UBR4: variants seen among roughly 807,000 people sequenced by gnomAD.
UBR4 encodes the protein E3 ubiquitin-protein ligase UBR4.
In UBR4, 124 loss-of-function variants were observed where a neutral mutation model predicts 575.6. That is an observed-to-expected ratio of 0.22 (90% confidence interval 0.19 to 0.25). UBR4 has a LOEUF of 0.25. Among genes scored for constraint, UBR4 ranks in the 10% least tolerant of loss-of-function variants. The pLI, the probability that UBR4 is intolerant of heterozygous loss-of-function variation, is 1.00. For missense variants in UBR4, 4,818 were observed against 6,478.8 expected (o/e 0.74, Z 8.80); for synonymous variants, 2,455 against 2,473.7 (o/e 0.99, Z 0.22).
chr1:19,081,899 G>C (rs1299159242), intron 102 of UBR4: 2 of 618,798 alleles, frequency 3.2e-6, no homozygotes, highest in Non-Finnish European at 5.9e-6. Context: ...CCCCAACATG[G>C]AACTGTGCTA....
chr1:19,155,025 G>A lies in UBR4; in HGVS notation c.6351C>T (p.His2117=), dbSNP rs184485512. ...AGCTGAAGAACAACATCTGCAACAC[G>A]TGGGAGTAGTACACGGACACACCAC... The part of the protein sequence containing the change: ...AGGGVSVYYS[H]VLQMLFFSYC... Residue 2117 remains histidine, a synonymous_variant, in exon 44 of 106, where the codon CAC becomes CAT. Coordinates refer to ENST00000375254, the MANE Select transcript of UBR4 (RefSeq NM_020765.3). The A allele has an allele frequency of 7.8e-5, 126 of 1,614,174 alleles. No homozygotes were observed. The Admixed American group carries it at 1.1e-3, about 14-fold the overall frequency.
chr1:19,103,765 G>C (rs958596417), intron 87 of UBR4, among the ~76,000 whole-genome samples: 9 of 152,226 alleles, frequency 5.9e-5, no homozygotes, highest in Non-Finnish European at 1.3e-4. Flanking sequence ...ACAAGGAAAA[G>C]AAAGAGAATA....
chr1:19,122,791 C>A, intron 66 of UBR4, 42 bp downstream of exon 66: 1 of 1,611,188 alleles, frequency 6.2e-7, no homozygotes, highest in Non-Finnish European at 8.5e-7. Context: ...TAAGCCTTAT[C>A]ACATCCCCCC....
At chr1:19,126,789 G>C in intron 63 of UBR4, 134 bp from the exon 64 acceptor site, 1 of 915,122 alleles carries the variant, frequency 1.1e-6, no homozygotes, top group South Asian at 1.7e-5. Context: ...TCAGGCTCTT[G>C]CACTGAAACT....
In UBR4 at chr1:19,154,989, G is replaced by C. The variant is rs1194684758; in HGVS notation, c.6387C>G (p.Gly2129=). 6 of 1,614,174 alleles carry C rather than the reference G, an allele frequency of 3.7e-6. No homozygotes were observed. In the East Asian group the frequency reaches 1.1e-4, roughly 30 times the overall value. The stretch of plus-strand genomic sequence containing the variant: ...TGCTGATGGTGGCTGCGAATGATTT[G>C]CCTTGACAATAGCTGAAGAACAACA... ...LQMLFFSYCQ[G]KSFAATISRT... Residue 2129 remains glycine, a synonymous_variant, in exon 44 of 106, where the codon GGC becomes GGG. Transcript: ENST00000375254.
intron 60 of UBR4, among the ~76,000 whole-genome samples, chr1:19,132,544 A>C: frequency 6.7e-6 from 1 of 149,960 alleles, no homozygotes. Context: ...TTTGTATCTC[A>C]TGAGCCAGAA....
In UBR4 at chr1:19,155,635, T is replaced by C. The variant is rs772944517; in HGVS notation, c.6106A>G (p.Thr2036Ala). Residue 2036 changes from threonine (T) to alanine (A), a missense_variant, in exon 43 of 106, where the codon ACC (threonine) becomes GCC (alanine). Around this residue, in one of 29 missense-constraint regions of UBR4, gnomAD observed 461 missense variants for 606.9 expected, o/e 0.76. Coordinates refer to ENST00000375254, the MANE Select transcript of UBR4 (RefSeq NM_020765.3). ...GAGCTTGGCAGGAGAAAATAGAAGG[T>C]TGGACTCAAGGCATCAACACACAGG... ...YDLCVDALSP[T>A]FYFLLPSSKI... 18 of 1,614,016 alleles carry C rather than the reference T, an allele frequency of 1.1e-5. No homozygotes were observed. Among genetic ancestry groups the C allele is most frequent in the East Asian group, 2.2e-5 (1 of 44,888 alleles).
rs192423135 is a variant in UBR4, at chr1:19,184,484, C to T, written c.1939-309G>A. ...TTTTGTTCTCCTAAGGTCCTTTGTC[C>T]GGCTCCAATTCACTACTGATATATT... On this transcript the variant is annotated intron_variant, in intron 15 of 105. Transcript: ENST00000375254. Among the ~76,000 whole-genome samples the T allele has an allele frequency of 2.0e-4, 31 of 152,166 alleles. 1 individual carries two copies. Among genetic ancestry groups the T allele is most frequent in the Admixed American group, 7.9e-4 (12 of 15,282 alleles).
chr1:19,187,631 C>G, intron 11 of UBR4, 91 bp from the exon 12 acceptor site: 2 of 1,274,930 alleles, frequency 1.6e-6, no homozygotes, highest in Non-Finnish European at 2.2e-6. Context: ...TTTGGGGTTT[C>G]AGACCCCTTT....
In UBR4 at chr1:19,112,680, T is replaced by C. The variant is rs778995850; in HGVS notation, c.11645A>G (p.His3882Arg). The change falls in exon 78 of 106, where the codon CAT becomes CGT. Residue 3882 changes from histidine (H) to arginine (R), a missense_variant. His to Arg is a conservative substitution (Grantham distance 29). Transcript: ENST00000375254. ...CAGGGCCCGAAGTAGTGTGATACAA[T>C]GTTCTGTGACAGCCGAGGCGCAGCC... ...CYGCASAVTE[H>R]CITLLRALAT... is the part of the protein sequence containing the mutation. 2 of 1,614,224 alleles carry C rather than the reference T, an allele frequency of 1.2e-6. No individual in the cohort carries two copies. Among genetic ancestry groups the C allele is most frequent in the East Asian group, 4.5e-5 (2 of 44,882 alleles).
chr1:19,180,688 T>C (rs1327813334), intron 17 of UBR4, among the ~76,000 whole-genome samples: 1 of 152,168 alleles, frequency 6.6e-6, no homozygotes, highest in Non-Finnish European at 1.5e-5. Context: ...ATATATTCCT[T>C]ATAATGCTAT....
intron 8 of UBR4, among the ~76,000 whole-genome samples, 155 bp downstream of exon 8, chr1:19,196,986 A>G (rs1406783115): frequency 1.3e-5 from 2 of 152,234 alleles, no homozygotes; most frequent in African/African-American, 4.8e-5. Context: ...AAAGATTCCT[A>G]TTGAGACCTC....
intron 77 of UBR4, chr1:19,113,493 C>T: frequency 1.4e-6 from 1 of 714,622 alleles, no homozygotes; most frequent in Non-Finnish European, 2.3e-6. Flanking sequence ...AGTTATCTAG[C>T]ATGAACTCAG....
chr1:19,100,146 C>T lies in UBR4; in HGVS notation c.13221+230G>A, dbSNP rs139421696. On this transcript the variant is annotated intron_variant, in intron 89 of 105. Transcript: ENST00000375254. This position sits in a 1 kb window ranked among gnomAD's most constrained non-coding sequence, Gnocchi z 4.2. ...CACCACTACAACCAACAGCCATTAA[C>T]AATATGCTTACTTCCTGCCAGGCAC... 8.8e-6 allele frequency: 5 copies of T among 566,230 alleles called. No individual in the cohort carries two copies. The highest frequency in any genetic ancestry group is 1.6e-5 in the Non-Finnish European group (5 of 320,122). 35.1% of individuals were successfully genotyped at this position (566,230 alleles called of 1,614,324 possible).
Position 19,210,261 on chromosome 1 carries a change from T to C in UBR4, c.-13A>G, listed in dbSNP as rs1354303385. 5 of 1,445,510 alleles carry C rather than the reference T, an allele frequency of 3.5e-6. No homozygotes were observed. The highest frequency in any genetic ancestry group is 2.6e-4 in the Middle Eastern group (1 of 3,852). 89.5% of individuals were successfully genotyped at this position (1,445,510 alleles called of 1,614,324 possible). On this transcript the variant is annotated 5_prime_UTR_variant, in exon 1 of 106. Transcript: ENST00000375254. ...CGCTCGTCGCCATCTTCCGTCGTAC[T>C]ACTGCGGCTCCCTCCGGGGGCTTGC...
In UBR4 at chr1:19,187,206, C is replaced by G; in HGVS notation, c.1590G>C (p.Leu530=). 1 of 1,613,638 alleles carries G rather than the reference C, an allele frequency of 6.2e-7. No individual in the cohort carries two copies. Among genetic ancestry groups the G allele is most frequent in the Non-Finnish European group, 8.5e-7 (1 of 1,179,738 alleles). ...RIQRLIDSVP[L]MNLLLTLLST... is the part of the protein sequence containing the mutation. Reference sequence around the variant, plus strand: ...AAAGTAACGTCAAGAGCAGGTTCATCAGTGGGACAGAGTCAATCAGCCGTT... The same window carrying G: ...AAAGTAACGTCAAGAGCAGGTTCATGAGTGGGACAGAGTCAATCAGCCGTT... Residue 530 remains leucine, a synonymous_variant, in exon 13 of 106, where the codon CTG becomes CTC. Coordinates refer to ENST00000375254, the MANE Select transcript of UBR4 (RefSeq NM_020765.3).
chr1:19,161,127 A>T lies in UBR4; in HGVS notation c.5196T>A (p.Pro1732=). Residue 1732 remains proline, a synonymous_variant, in exon 38 of 106, where the codon CCT becomes CCA. Transcript: ENST00000375254. ...TCATGGTAGAGCTCATGCCACTGCTAGGAGTTCTCTTCACCAGAGCCTAGG... is the reference window on the plus strand; with the variant it reads ...TCATGGTAGAGCTCATGCCACTGCTTGGAGTTCTCTTCACCAGAGCCTAGG... The part of the protein sequence containing the change: ...GSCLALVKRT[P]SSGMSSTMKE... The T allele has an allele frequency of 6.2e-7, 1 of 1,614,070 alleles. No homozygotes were observed. Among genetic ancestry groups the T allele is most frequent in the Non-Finnish European group, 8.5e-7 (1 of 1,179,996 alleles).
At chr1:19,206,617 T>G (rs1558044780) in intron 1 of UBR4, among the ~76,000 whole-genome samples, 1 of 151,970 alleles carries the variant, frequency 6.6e-6, no homozygotes, top group South Asian at 2.1e-4. Context: ...ATTACAGGCG[T>G]GAGCCACTGC....
At chr1:19,156,690 G>T in intron 41 of UBR4, 77 bp downstream of exon 41, 1 of 1,522,268 alleles carries the variant, frequency 6.6e-7, no homozygotes, top group South Asian at 1.3e-5. Context: ...ATAAGAAAAA[G>T]TAGTTCTGAG....
Sources: allele counts gnomAD v4.1 joint callset (sites outside exome capture counted in the v4.1 genomes callset), GRCh38; gene constraint gnomAD v4.1.1; regional missense constraint gnomAD v4.1.1; non-coding constraint Gnocchi (gnomAD v3.1); transcripts MANE v1.5; gene names NCBI Gene and HGNC (gene_info 2026-07-23, HGNC 2026-07-21).